The following ERICH1 variants were observed in gnomAD, a reference collection of about 807,000 sequenced individuals.
ERICH1 encodes glutamate rich 1.
A neutral mutation model predicts 39.6 loss-of-function variants in ERICH1; 56 were observed. That is an observed-to-expected ratio of 1.41 (90% confidence interval 1.14 to 1.77). The LOEUF (loss-of-function observed/expected upper bound fraction) is 1.77, where lower values mean the gene tolerates loss of function less well. ERICH1 is among the 40% of genes most tolerant of loss of function. The pLI, the probability that ERICH1 is intolerant of heterozygous loss-of-function variation, is 0.00. For missense variants in ERICH1, 826 were observed against 575.4 expected, an observed-to-expected ratio of 1.44 and a Z score of -4.45; for synonymous variants, 313 against 223.6, an observed-to-expected ratio of 1.40 and a Z score of -3.57.
chr8:717,730 C>T (rs1026598917), intron 1 of ERICH1, among the ~76,000 whole-genome samples: 7 of 152,250 alleles, frequency 4.6e-5, no homozygotes, highest in African/African-American at 9.6e-5. Context: ...GCAGCCAACG[C>T]GGACATGTGG....
intron 3 of ERICH1, among the ~76,000 whole-genome samples, chr8:654,581 A>T (rs181446625): frequency 6.6e-6 from 1 of 152,322 alleles, no homozygotes; most frequent in Admixed American, 6.5e-5. Flanking sequence ...TAAATAAATT[A>T]AAAAATTATG....
chr8:634,624 C>T lies in ERICH1; in HGVS notation c.977-19340G>A, dbSNP rs1221729800. Among the ~76,000 whole-genome samples the T allele has an allele frequency of 4.6e-5, 7 of 152,132 alleles. No individual in the cohort carries two copies. In the South Asian group the frequency reaches 8.3e-4, roughly 18 times the overall value. On this transcript the variant is annotated intron_variant, in intron 3 of 3. Coordinates refer to the ERICH1 transcript ENST00000522706. ...GCGTGCAGTAGGTGCCCACTGTGTG[C>T]GCAGAAGGACAGCTGGCGGAGCAGC... is the stretch of plus-strand genomic sequence containing the variant.
At position 668,224 on chromosome 8, in the gene ERICH1, G is replaced by A. The variant is rs939982929; in HGVS notation, c.1258+374C>T. ...TAAAAGTCGTCATCACCACGTCAGG[G>A]GTTCAATAAGGTACCAGAGAGTTGG... On this transcript the variant is annotated intron_variant, in intron 5 of 5. Coordinates refer to ENST00000262109, the MANE Select transcript of ERICH1 (RefSeq NM_207332.3). The A allele has an allele frequency of 2.1e-5, 6 of 292,224 alleles. No homozygotes were observed. The East Asian group carries it at 4.5e-4, about 22-fold the overall frequency. 18.1% of individuals were successfully genotyped at this position (292,224 alleles called of 1,614,324 possible). A position where few individuals can be genotyped will look rare whatever the true frequency, so the allele number is the denominator to read the frequency against.
chr8:684,011 T>G (rs1806748253), intron 3 of ERICH1, among the ~76,000 whole-genome samples: 1 of 152,254 alleles, frequency 6.6e-6, no homozygotes, highest in South Asian at 2.1e-4. Flanking sequence ...GTTTCATGTT[T>G]ACATGTTTGA....
At chr8:707,157 G>T (rs1376632108) in intron 2 of ERICH1, among the ~76,000 whole-genome samples, 1 of 150,840 alleles carries the variant, frequency 6.6e-6, no homozygotes, top group Non-Finnish European at 1.5e-5. Context: ...GAATAGAATT[G>T]AGAGTCCAGA....
chr8:665,039 G>C (rs1801974404), intron 5 of ERICH1, among the ~76,000 whole-genome samples: 1 of 152,074 alleles, frequency 6.6e-6, no homozygotes, highest in Admixed American at 6.6e-5. Flanking sequence ...TGAAATAGAA[G>C]TTTATCTCAA....
chr8:677,543 G>A (rs1805134846), intron 3 of ERICH1, among the ~76,000 whole-genome samples: 2 of 152,194 alleles, frequency 1.3e-5, no homozygotes, highest in African/African-American at 2.4e-5. Context: ...GTGTGTTGTT[G>A]CTTTTGGGGT....
intron 3 of ERICH1, among the ~76,000 whole-genome samples, chr8:629,614 CG>C (rs1195952000): frequency 3.1e-5 from 3 of 97,480 alleles, no homozygotes; most frequent in African/African-American, 1.4e-4. Context: ...GACTCACACC[CG>C]CCTGTGACCA....
Position 683,778 on chromosome 8 carries a change from G to C in ERICH1, c.304+8700C>G, listed in dbSNP as rs376559340. ...GGGCGGTGATCAGGAACCACCAAAG[G>C]AAAGGTTGGTTTTCCTCTGGATGTG... On this transcript the variant is annotated intron_variant, in intron 3 of 5. Transcript: ENST00000262109. 3.9e-4 allele frequency among the ~76,000 whole-genome samples: 60 copies of C among 152,344 alleles called. 2 individuals carry two copies. The South Asian group carries it at 0.011, about 28-fold the overall frequency.
intron 2 of ERICH1, among the ~76,000 whole-genome samples, chr8:703,480 G>A (rs901294824): frequency 6.6e-6 from 1 of 152,168 alleles, no homozygotes; most frequent in Admixed American, 6.5e-5. Context: ...AGGGGGGCAG[G>A]CAGGCTGTGG....
intron 3 of ERICH1, among the ~76,000 whole-genome samples, chr8:632,093 G>T (rs1340249759): frequency 1.3e-5 from 2 of 152,190 alleles, no homozygotes; most frequent in Non-Finnish European, 2.9e-5. Flanking sequence ...TGGCAGGGCT[G>T]CGAGTCCCAC....
At chr8:616,245 T>C (rs910865008) in intron 3 of ERICH1, 1 of 261,504 alleles carries the variant, frequency 3.8e-6, no homozygotes, top group South Asian at 3.9e-5. Context: ...TGTGTTCAAA[T>C]GGTGTCTGAG....
chr8:680,867 CT>C (rs1410115454), intron 3 of ERICH1, among the ~76,000 whole-genome samples: 5 of 152,324 alleles, frequency 3.3e-5, no homozygotes, highest in Non-Finnish European at 7.4e-5. Flanking sequence ...TCTGTGAGTC[CT>C]GGGGTCTGTG....
At chr8:625,554 A>G (rs1165805815) in intron 3 of ERICH1, 1 of 152,236 alleles carries the variant, frequency 6.6e-6, no homozygotes, top group African/African-American at 2.4e-5. Flanking sequence ...CATCGTAGTG[A>G]GGATTGTACA....
At chr8:730,294 C>A (rs927175860) in intron 1 of ERICH1, among the ~76,000 whole-genome samples, 2 of 152,192 alleles carry the variant, frequency 1.3e-5, no homozygotes, top group African/African-American at 4.8e-5. Context: ...CCACATTCTG[C>A]CTCACTGAGA....
At chr8:725,897 G>C (rs1818507559) in intron 1 of ERICH1, 1 of 152,318 alleles carries the variant, frequency 6.6e-6, no homozygotes, top group African/African-American at 2.4e-5. Flanking sequence ...CACTTGGGAA[G>C]CGCTCCTGAG....
chr8:687,758 G>C (rs1243230420), intron 3 of ERICH1, among the ~76,000 whole-genome samples: 3 of 152,148 alleles, frequency 2.0e-5, no homozygotes, highest in Admixed American at 2.0e-4. Flanking sequence ...CGCCAGGCCC[G>C]CGGGGCCCTA....
chr8:679,823 G>A (rs909490131), intron 3 of ERICH1, among the ~76,000 whole-genome samples: 3 of 152,138 alleles, frequency 2.0e-5, no homozygotes, highest in Admixed American at 1.3e-4. Context: ...TGGAAGGGAA[G>A]AAACGCAGCT....
intron 3 of ERICH1, among the ~76,000 whole-genome samples, chr8:634,391 A>G (rs993854899): frequency 6.6e-6 from 1 of 151,978 alleles, no homozygotes; most frequent in Non-Finnish European, 1.5e-5. Context: ...GGAATGTGAA[A>G]TGGTGCAGCT....
Sources: allele counts gnomAD v4.1 joint callset (sites outside exome capture counted in the v4.1 genomes callset), GRCh38; gene constraint gnomAD v4.1.1; transcripts MANE v1.5; gene names NCBI Gene and HGNC (gene_info 2026-07-23, HGNC 2026-07-21).